Variants in PCDHGB4 observed in about 807,000 individuals in gnomAD.
PCDHGB4 encodes protocadherin gamma subfamily B, 4, also known as protocadherin gamma-B4.
In PCDHGB4, 38 loss-of-function variants were observed where a neutral mutation model predicts 60.5. That is an observed-to-expected ratio of 0.63 (90% CI 0.48 to 0.82). The LOEUF (loss-of-function observed/expected upper bound fraction) is 0.82, where lower values mean the gene tolerates loss of function less well. Among genes scored for constraint, PCDHGB4 ranks in the 40% least tolerant of loss-of-function variants. The pLI is 0.00. For missense variants in PCDHGB4, 1,109 were observed against 1,209.6 expected, an observed-to-expected ratio of 0.92 and a Z score of 1.23; for synonymous variants, 456 against 509.7, an observed-to-expected ratio of 0.89 and a Z score of 1.42.
intron 1 of PCDHGB4, among the ~76,000 whole-genome samples, chr5:141,456,244 T>C (rs1382294283): frequency 6.6e-6 from 1 of 152,144 alleles, no homozygotes; most frequent in East Asian, 1.9e-4. Context: ...GTTAGGAGGC[T>C]TTGGGCGACC....
At chr5:141,423,228 CA>C in intron 1 of PCDHGB4, 1 of 1,613,866 alleles carries the variant, frequency 6.2e-7, no homozygotes, top group Non-Finnish European at 8.5e-7. Flanking sequence ...CTGTGGCCGA[CA>C]GCATCCCCGA....
chr5:141,418,282 A>T (rs1209026046), intron 1 of PCDHGB4: 2 of 1,614,030 alleles, frequency 1.2e-6, no homozygotes, highest in Non-Finnish European at 1.7e-6. Flanking sequence ...TAAACTTAGA[A>T]ATCAGTGAAT....
At chr5:141,488,157 C>T (rs565677003) in intron 1 of PCDHGB4, among the ~76,000 whole-genome samples, 2 of 152,216 alleles carry the variant, frequency 1.3e-5, no homozygotes, top group South Asian at 2.1e-4. Context: ...TAGAGAGGCA[C>T]GCATCAGAGT....
At position 141,388,920 on chromosome 5, in the gene PCDHGB4, A is replaced by G; in HGVS notation, c.1036A>G (p.Ile346Val). The change falls in exon 1 of 4, where the codon ATA (isoleucine) becomes GTA (valine). Residue 346 changes from isoleucine to valine, a missense_variant. Ile to Val is a conservative substitution (Grantham distance 29). This residue lies in a region of PCDHGB4 where 1,068 missense variants were observed against 1,089.9 expected (regional missense o/e 0.98). Coordinates refer to ENST00000519479, the MANE Select transcript of PCDHGB4 (RefSeq NM_003736.4). ...IDENDNAPEV[I>V]FQSLPNLIME... ...TGAAAATGACAACGCCCCAGAAGTG[A>G]TATTCCAGTCTCTACCCAACCTAAT... 2 of 1,613,996 alleles carry G rather than the reference A, an allele frequency of 1.2e-6. No homozygotes were observed. Among genetic ancestry groups the G allele is most frequent in the Non-Finnish European group, 1.7e-6 (2 of 1,179,870 alleles).
intron 1 of PCDHGB4, chr5:141,404,996 G>C (rs776423830): frequency 6.2e-7 from 1 of 1,613,974 alleles, no homozygotes; most frequent in South Asian, 1.1e-5. Context: ...TCAGATCCCT[G>C]CAGACCTGGA....
At position 141,477,418 on chromosome 5, in the gene PCDHGB4, C is replaced by G. The variant is rs759728291; in HGVS notation, c.2398-17389C>G. ...GCATCACCGCCCGAGACGCCGGAAC[C>G]CCTTCCCTCTCAGCCCTTACAATAG... On this transcript the variant is annotated intron_variant, in intron 1 of 3. Transcript: ENST00000519479. This position sits in a 1 kb window ranked among gnomAD's most constrained non-coding sequence, Gnocchi z 4.9. 2 of 1,614,166 alleles carry G rather than the reference C, an allele frequency of 1.2e-6. No homozygotes were observed. Among genetic ancestry groups the G allele is most frequent in the Non-Finnish European group, 1.7e-6 (2 of 1,180,030 alleles).
intron 1 of PCDHGB4, chr5:141,416,489 G>A (rs2096031582): frequency 1.3e-5 from 2 of 152,158 alleles, no homozygotes; most frequent in Admixed American, 1.3e-4. Context: ...GAGAACAGGA[G>A]CAAGAGATAT....
intron 2 of PCDHGB4, among the ~76,000 whole-genome samples, chr5:141,503,269 C>A (rs1161751693): frequency 6.6e-6 from 1 of 152,116 alleles, no homozygotes; most frequent in Non-Finnish European, 1.5e-5. Context: ...ACCCCAGCAC[C>A]TGGCTCTGTG....
chr5:141,421,195 G>C (rs1305388921), intron 1 of PCDHGB4: 2 of 1,504,878 alleles, frequency 1.3e-6, no homozygotes, highest in Non-Finnish European at 1.8e-6. Context: ...CAACCAGCTC[G>C]AGAAACCGCG....
intron 1 of PCDHGB4, among the ~76,000 whole-genome samples, chr5:141,469,108 C>A (rs923728484): frequency 4.0e-5 from 6 of 151,768 alleles, no homozygotes; most frequent in Non-Finnish European, 5.9e-5. Context: ...AAGAACCTGT[C>A]TCTAAAAAAA....
chr5:141,417,871 C>T (rs1317007566), intron 1 of PCDHGB4: 1 of 1,554,006 alleles, frequency 6.4e-7, no homozygotes, highest in African/African-American at 1.4e-5. Context: ...TGGGAGGGAG[C>T]TGCGCGCAGA....
intron 1 of PCDHGB4, chr5:141,414,397 T>C: frequency 6.2e-7 from 1 of 1,613,920 alleles, no homozygotes; most frequent in Middle Eastern, 1.6e-4. Context: ...TTATTACAGA[T>C]TGGTGATACA....
In PCDHGB4 at chr5:141,388,630, T is replaced by G. The variant is rs754073337; in HGVS notation, c.746T>G (p.Val249Gly). 6.2e-7 allele frequency: 1 copy of G among 1,613,816 alleles called. No individual in the cohort carries two copies. The highest frequency in any genetic ancestry group is 1.7e-5 in the Admixed American group (1 of 60,004). ...APVFSQDVYR[V>G]SLSENVYPGT... Reference sequence around the variant, plus strand: ...GTGTTCAGTCAAGACGTATACAGGGTGAGCCTTTCAGAAAACGTGTACCCG... The same window carrying G: ...GTGTTCAGTCAAGACGTATACAGGGGGAGCCTTTCAGAAAACGTGTACCCG... Residue 249 changes from valine (V) to glycine (G), a missense_variant, in exon 1 of 4, where the codon GTG becomes GGG. Transcript: ENST00000519479.
In PCDHGB4 at chr5:141,388,920, A is replaced by T; in HGVS notation, c.1036A>T (p.Ile346Leu). The T allele has an allele frequency of 1.9e-6, 3 of 1,613,996 alleles. No homozygotes were observed. The highest frequency in any genetic ancestry group is 2.2e-5 in the East Asian group (1 of 44,890). Reference sequence around the variant, plus strand: ...TGAAAATGACAACGCCCCAGAAGTGATATTCCAGTCTCTACCCAACCTAAT... The same window carrying T: ...TGAAAATGACAACGCCCCAGAAGTGTTATTCCAGTCTCTACCCAACCTAAT... ...IDENDNAPEV[I>L]FQSLPNLIME... The change falls in exon 1 of 4, where the codon ATA becomes TTA. Residue 346 changes from isoleucine to leucine, a missense_variant. Coordinates refer to ENST00000519479, the MANE Select transcript of PCDHGB4 (RefSeq NM_003736.4).
intron 1 of PCDHGB4, chr5:141,403,903 G>T: frequency 1.2e-6 from 2 of 1,613,804 alleles, no homozygotes; most frequent in Non-Finnish European, 1.7e-6. Context: ...TTTATGAAAT[G>T]GAAATACAAG....
At chr5:141,500,152 A>C (rs1301287171) in intron 2 of PCDHGB4, among the ~76,000 whole-genome samples, 1 of 151,610 alleles carries the variant, frequency 6.6e-6, no homozygotes, top group African/African-American at 2.4e-5. Flanking sequence ...TTCTTTGTGT[A>C]ATCAAAGAAC....
chr5:141,477,031 A>G lies in PCDHGB4; in HGVS notation c.2398-17776A>G. 2 of 1,614,248 alleles carry G rather than the reference A, an allele frequency of 1.2e-6. No homozygotes were observed. The highest frequency in any genetic ancestry group is 2.2e-5 in the East Asian group (1 of 44,880). On this transcript the variant is annotated intron_variant, in intron 1 of 3. Transcript: ENST00000519479. This position sits in a 1 kb window ranked among gnomAD's most constrained non-coding sequence, Gnocchi z 4.9. ...TAGACCTTGTAACCGGGATGCTGAC[A>G]ATCAAGGGTCGGCTGGACTTCGAGG...
In PCDHGB4 at chr5:141,486,128, G is replaced by C. The variant is rs1447222839; in HGVS notation, c.2398-8679G>C. ...TGAGAGTGAGAATTACTATGAATTT[G>C]ATGTGCGGGCTCGCGATGGGGGTTC... is the stretch of plus-strand genomic sequence containing the variant. On this transcript the variant is annotated intron_variant, in intron 1 of 3. Transcript: ENST00000519479. This position sits in a 1 kb window ranked among gnomAD's most constrained non-coding sequence, Gnocchi z 5.0. 6.2e-7 allele frequency: 1 copy of C among 1,614,066 alleles called. No homozygotes were observed. Among genetic ancestry groups the C allele is most frequent in the Non-Finnish European group, 8.5e-7 (1 of 1,180,034 alleles).
chr5:141,489,088 G>GCCAA lies in PCDHGB4; in HGVS notation c.2398-5719_2398-5718insCCAA. The GCCAA allele has an allele frequency of 2.9e-6, 1 of 347,240 alleles. No individual in the cohort carries two copies. Among genetic ancestry groups the GCCAA allele is most frequent in the Non-Finnish European group, 5.0e-6 (1 of 200,708 alleles). The allele number at this position is 347,240 out of a possible 1,614,324, so 21.5% of individuals were successfully genotyped here. A position where few individuals can be genotyped will look rare whatever the true frequency, so the allele number is the denominator to read the frequency against. ...CCCCTGCCCACCCCCGCCACTCGGT[G>GCCAA]ACTAAGAACTGCTGCAAGCAGGCAA... On this transcript the variant is annotated intron_variant, in intron 1 of 3. Transcript: ENST00000519479. This position sits in a 1 kb window ranked among gnomAD's most constrained non-coding sequence, Gnocchi z 4.5.
Sources: gnomAD v4.1 joint callset for allele counts (sites outside exome capture counted in the v4.1 genomes callset) on GRCh38, gnomAD v4.1.1 for gene constraint, gnomAD v4.1.1 regional missense constraint, Gnocchi (gnomAD v3.1) non-coding constraint, MANE v1.5 for transcripts, NCBI Gene and HGNC (gene_info 2026-07-23, HGNC 2026-07-21) for gene names.